GAMT: variants seen among roughly 807,000 people sequenced by gnomAD.
GAMT encodes epididymis secretory protein Li 20.
Under a neutral mutation model 26.9 loss-of-function variants are expected in GAMT, and 26 were observed. The ratio of observed to expected loss-of-function variants is 0.97; its 90% CI spans 0.71 to 1.34. The LOEUF is 1.34. GAMT is among the 40% of genes most tolerant of loss of function. GAMT has a pLI of 0.00. For synonymous variants in GAMT, 169 were observed against 149.6 expected (o/e 1.13, Z -0.95); for missense variants, 412 against 345.0 (o/e 1.19, Z -1.54).
Position 1,399,678 on chromosome 19 carries a change from C to G in GAMT, c.328-91G>C, listed in dbSNP as rs1044243937. Reference sequence around the variant, plus strand: ...GAAAGGGAGCGGCCAGGGGGACTCCCGAGAGAGAAGACCACCTCCTCCACC... The same window carrying G: ...GAAAGGGAGCGGCCAGGGGGACTCCGGAGAGAGAAGACCACCTCCTCCACC... On this transcript the variant is annotated intron_variant, in intron 2 of 5. Transcript: ENST00000252288. The surrounding 1 kb of genome is among the most constrained non-coding windows in gnomAD (Gnocchi z 6.2). 6.6e-7 allele frequency: 1 copy of G among 1,526,532 alleles called. No homozygotes were observed. Among genetic ancestry groups the G allele is most frequent in the East Asian group, 2.4e-5 (1 of 41,416 alleles). 94.6% of individuals were successfully genotyped at this position (1,526,532 alleles called of 1,614,324 possible). A position where few individuals can be genotyped will look rare whatever the true frequency, so the allele number is the denominator to read the frequency against.
Position 1,401,492 on chromosome 19 carries a change from GCGACCCGACCT to G in GAMT, c.-27_-17del. 7.6e-7 allele frequency: 1 copy of G among 1,307,416 alleles called. No individual in the cohort carries two copies. The highest frequency in any genetic ancestry group is 3.1e-5 in the East Asian group (1 of 31,808). 81.0% of individuals were successfully genotyped at this position (1,307,416 alleles called of 1,614,324 possible). On this transcript the variant is annotated 5_prime_UTR_variant, in exon 1 of 6. Coordinates refer to ENST00000252288, the MANE Select transcript of GAMT (RefSeq NM_000156.6). ...GGGCGCTCATGCTGCAGGCTGGACG[GCGACCCGACCT>G]CGATCGCGCGCCGCCCGGGCCCGCT...
At position 1,399,476 on chromosome 19, in the gene GAMT, AT is replaced by A; in HGVS notation, c.391+47del. The stretch of plus-strand genomic sequence containing the variant: ...CCCCCACAAGCAAAGGAGGGGCTGC[AT>A]TGGAGCTGGGGAGGCCCACCCTGTG... On this transcript the variant is annotated intron_variant, in intron 3 of 5. Transcript: ENST00000252288. The surrounding 1 kb of genome is among the most constrained non-coding windows in gnomAD (Gnocchi z 6.2). The A allele has an allele frequency of 6.5e-7, 1 of 1,539,636 alleles. No homozygotes were observed. The highest frequency in any genetic ancestry group is 8.9e-7 in the Non-Finnish European group (1 of 1,121,102).
rs2082620621 is a variant in GAMT, at chr19:1,399,526, T to G, written c.389A>C (p.Asp130Ala). ...TGATACGTCCCCTCACCCCTCACCA[T>G]CAAAGTGACCGTCAGGCAGGGTGGG... ...VAPTLPDGHFDGILYDTYPLS... is the reference protein window; with the variant it reads ...VAPTLPDGHFAGILYDTYPLS... Residue 130 changes from aspartate (D) to alanine (A), a missense_variant and splice_region_variant, in exon 3 of 6, where the codon GAT becomes GCT. By Grantham distance (126) the Asp-to-Ala change is moderately radical (BLOSUM62 -2). Transcript: ENST00000252288. This position sits in a 1 kb window ranked among gnomAD's most constrained non-coding sequence, Gnocchi z 6.2. 1 of 1,612,676 alleles carries G rather than the reference T, an allele frequency of 6.2e-7. No homozygotes were observed.
chr19:1,399,678 CGA>C lies in GAMT; in HGVS notation c.328-93_328-92del. ...GAAAGGGAGCGGCCAGGGGGACTCC[CGA>C]GAGAGAAGACCACCTCCTCCACCTC... is the stretch of plus-strand genomic sequence containing the variant. On this transcript the variant is annotated intron_variant, in intron 2 of 5. Transcript: ENST00000252288. The surrounding 1 kb of genome is among the most constrained non-coding windows in gnomAD (Gnocchi z 6.2). 9 of 1,526,652 alleles carry C rather than the reference CGA, an allele frequency of 5.9e-6. No homozygotes were observed. The highest frequency in any genetic ancestry group is 7.1e-6 in the Non-Finnish European group (8 of 1,131,436). The allele number at this position is 1,526,652 out of a possible 1,614,324, so 94.6% of individuals were successfully genotyped here. A position where few individuals can be genotyped will look rare whatever the true frequency, so the allele number is the denominator to read the frequency against.
chr19:1,399,774 C>A lies in GAMT; in HGVS notation c.327+19G>T. ...CCCAAGGAGTGGGGGTCCTGGAGGG[C>A]CTGCGGGCAGAGGGGCACCTTGTGT... On this transcript the variant is annotated intron_variant, in intron 2 of 5. Coordinates refer to ENST00000252288, the MANE Select transcript of GAMT (RefSeq NM_000156.6). The surrounding 1 kb of genome is among the most constrained non-coding windows in gnomAD (Gnocchi z 6.2). The A allele has an allele frequency of 6.5e-7, 1 of 1,542,252 alleles. No individual in the cohort carries two copies. Among genetic ancestry groups the A allele is most frequent in the Admixed American group, 2.0e-5 (1 of 50,258 alleles).
In GAMT at chr19:1,401,284, G is replaced by A; in HGVS notation, c.181+12C>T. ...GCGCCCCCGGGGGCGGTGCAGGCCG[G>A]GCGGGGGCTACCTTTGGAGGAGGCG... On this transcript the variant is annotated intron_variant, in intron 1 of 5. Transcript: ENST00000252288. The A allele has an allele frequency of 1.4e-6, 2 of 1,481,082 alleles. No homozygotes were observed. The highest frequency in any genetic ancestry group is 8.9e-7 in the Non-Finnish European group (1 of 1,119,482). The allele number at this position is 1,481,082 out of a possible 1,614,324, so 91.7% of individuals were successfully genotyped here. A position where few individuals can be genotyped will look rare whatever the true frequency, so the allele number is the denominator to read the frequency against.
intron 5 of GAMT, 90 bp from the exon 6 acceptor site, chr19:1,397,589 T>TTTG: frequency 6.4e-7 from 1 of 1,564,406 alleles, no homozygotes; most frequent in East Asian, 2.3e-5. Context: ...TGTTTACAGA[T>TTTG]GGCAAGGCCC....
At position 1,399,608 on chromosome 19, in the gene GAMT, AAG is replaced by A; in HGVS notation, c.328-23_328-22del. ...ATGACCTTGCAGAGGGGAAAAGAAA[AAG>A]AGAGGACAGGGTAGAGAGGTCCCCA... On this transcript the variant is annotated intron_variant, in intron 2 of 5. Transcript: ENST00000252288. The surrounding 1 kb of genome is among the most constrained non-coding windows in gnomAD (Gnocchi z 6.2). The A allele has an allele frequency of 6.2e-7, 1 of 1,608,690 alleles. No homozygotes were observed. The highest frequency in any genetic ancestry group is 8.5e-7 in the Non-Finnish European group (1 of 1,177,590).
chr19:1,399,531 G>A lies in GAMT; in HGVS notation c.384C>T (p.His128=), dbSNP rs1310922766. The A allele has an allele frequency of 2.4e-5, 39 of 1,612,842 alleles. No individual in the cohort carries two copies. The highest frequency in any genetic ancestry group is 3.1e-5 in the Non-Finnish European group (37 of 1,179,654). Residue 128 remains histidine, a synonymous_variant, in exon 3 of 6, where the codon CAC becomes CAT. Transcript: ENST00000252288. The surrounding 1 kb of genome is among the most constrained non-coding windows in gnomAD (Gnocchi z 6.2). ...CGTCCCCTCACCCCTCACCATCAAAGTGACCGTCAGGCAGGGTGGGTGCCA... is the reference window on the plus strand; with the variant it reads ...CGTCCCCTCACCCCTCACCATCAAAATGACCGTCAGGCAGGGTGGGTGCCA... ...EDVAPTLPDG[H]FDGILYDTYP... is the part of the protein sequence containing the mutation.
chr19:1,398,597 A>G, intron 5 of GAMT: 1 of 741,934 alleles, frequency 1.3e-6, no homozygotes, highest in South Asian at 1.9e-5. Context: ...CACCACGCCC[A>G]GCTAGTTTTT....
chr19:1,401,460 G>T lies in GAMT; in HGVS notation c.17C>A (p.Ala6Glu). 1 of 1,374,278 alleles carries T rather than the reference G, an allele frequency of 7.3e-7. No homozygotes were observed. The highest frequency in any genetic ancestry group is 1.6e-5 in the South Asian group (1 of 60,890). The allele number at this position is 1,374,278 out of a possible 1,614,324, so 85.1% of individuals were successfully genotyped here. A position where few individuals can be genotyped will look rare whatever the true frequency, so the allele number is the denominator to read the frequency against. Residue 6 changes from alanine (A) to glutamate (E), a missense_variant, in exon 1 of 6, where the codon GCG becomes GAG. Transcript: ENST00000252288. ...CTCGCCGGGCGCGAAGATGGGGGTC[G>T]CGCTGGGGGCGCTCATGCTGCAGGC... MSAPS[A>E]TPIFAPGENC... is the part of the protein sequence containing the mutation.
rs748256259 is a variant in GAMT, at chr19:1,399,024, G to C, written c.462C>G (p.Asn154Lys). Residue 154 changes from asparagine (N) to lysine (K), a missense_variant and splice_region_variant, in exon 5 of 6, where the codon AAC becomes AAG. Transcript: ENST00000252288. This position sits in a 1 kb window ranked among gnomAD's most constrained non-coding sequence, Gnocchi z 6.2. ...CCGGCTTCAGCAGGCGAAAGGCGTG[G>C]TTCTGTGGAAGGGGAGTGGCCAGTG... ...WHTHQFNFIK[N>K]HAFRLLKPGG... 3 of 1,613,366 alleles carry C rather than the reference G, an allele frequency of 1.9e-6. No homozygotes were observed. The highest frequency in any genetic ancestry group is 2.5e-6 in the Non-Finnish European group (3 of 1,180,010).
chr19:1,397,583 T>G, intron 5 of GAMT, 84 bp from the exon 6 acceptor site: 1 of 1,571,440 alleles, frequency 6.4e-7, no homozygotes, highest in South Asian at 1.1e-5. Context: ...GAAGAGTGTT[T>G]ACAGATGGCA....
In GAMT at chr19:1,401,291, G is replaced by A; in HGVS notation, c.181+5C>T. On this transcript the variant is annotated splice_donor_5th_base_variant and intron_variant, in intron 1 of 5. Transcript: ENST00000252288. The stretch of plus-strand genomic sequence containing the variant: ...CGGGGGCGGTGCAGGCCGGGCGGGG[G>A]CTACCTTTGGAGGAGGCGGCGGCGG... 2.7e-6 allele frequency: 4 copies of A among 1,494,648 alleles called. No individual in the cohort carries two copies. Among genetic ancestry groups the A allele is most frequent in the Non-Finnish European group, 3.5e-6 (4 of 1,127,048 alleles). 92.6% of individuals were successfully genotyped at this position (1,494,648 alleles called of 1,614,324 possible). A position where few individuals can be genotyped will look rare whatever the true frequency, so the allele number is the denominator to read the frequency against.
In GAMT at chr19:1,398,613, T is replaced by C. The variant is rs1037097265; in HGVS notation, c.570+303A>G. 2.5e-5 allele frequency: 19 copies of C among 765,810 alleles called. No homozygotes were observed. In the African/African-American group the frequency reaches 5.0e-4, roughly 20 times the overall value. The allele number at this position is 765,810 out of a possible 1,614,324, so 47.4% of individuals were successfully genotyped here. On this transcript the variant is annotated intron_variant, in intron 5 of 5. Coordinates refer to ENST00000252288, the MANE Select transcript of GAMT (RefSeq NM_000156.6). ...ACCACGCCCAGCTAGTTTTTTGTATTTTTTTTTTTTAGGAAAGATGAGGTC... is the reference window on the plus strand; with the variant it reads ...ACCACGCCCAGCTAGTTTTTTGTATCTTTTTTTTTTAGGAAAGATGAGGTC...
At position 1,399,068 on chromosome 19, in the gene GAMT, G is replaced by T. The variant is rs1204565868; in HGVS notation, c.460-42C>A. 1.2e-6 allele frequency: 2 copies of T among 1,613,256 alleles called. No homozygotes were observed. Among genetic ancestry groups the T allele is most frequent in the Non-Finnish European group, 8.5e-7 (1 of 1,180,020 alleles). On this transcript the variant is annotated intron_variant, in intron 4 of 5. Transcript: ENST00000252288. This position sits in a 1 kb window ranked among gnomAD's most constrained non-coding sequence, Gnocchi z 6.2. ...GCCAGTGGTCAGGACGGAGGTGGGG[G>T]TGTGGGCAGAGGGGCTTCCCCGAGG...
In GAMT at chr19:1,398,864, C is replaced by T. The variant is rs2082616086; in HGVS notation, c.570+52G>A. 1.2e-6 allele frequency: 2 copies of T among 1,606,170 alleles called. No homozygotes were observed. Among genetic ancestry groups the T allele is most frequent in the South Asian group, 1.1e-5 (1 of 90,166 alleles). On this transcript the variant is annotated intron_variant, in intron 5 of 5. Transcript: ENST00000252288. ...GTGGCTCCAGCAGCCCCTTCCCACC[C>T]CCATCCAAGGTCACTTCCTGGAGAC...
At chr19:1,398,247 G>A (rs371135842) in intron 5 of GAMT, 22 of 219,768 alleles carry the variant, frequency 1.0e-4, no homozygotes, top group Admixed American at 2.4e-4. Context: ...ACAGGCGCCC[G>A]CCACCACGCC....
intron 5 of GAMT, chr19:1,398,204 T>A: frequency 2.1e-6 from 1 of 481,640 alleles, no homozygotes; most frequent in Non-Finnish European, 2.7e-6. Context: ...TTCAAGTGAT[T>A]CTCATGCCTC....
Sources: gnomAD v4.1 joint callset for allele counts on GRCh38, gnomAD v4.1.1 for gene constraint, Gnocchi (gnomAD v3.1) non-coding constraint, MANE v1.5 for transcripts, NCBI Gene and HGNC (gene_info 2026-07-23, HGNC 2026-07-21) for gene names.